Variants in BRCA2 observed in about 807,000 individuals in gnomAD.
BRCA2 encodes BRCA2 DNA repair associated.
A neutral mutation model predicts 276.7 loss-of-function variants in BRCA2; 203 were observed. That is an observed-to-expected ratio of 0.73 (90% CI 0.65 to 0.82). The LOEUF is 0.82. BRCA2 is among the 40% of genes least tolerant of loss of function. The probability of loss-of-function intolerance (pLI) is 0.00; values close to 1 mark genes in which losing one functional copy is unlikely to be tolerated. For synonymous variants in BRCA2, 1,289 were observed against 1,338.4 expected (o/e 0.96, Z 0.81); for missense variants, 3,920 against 3,915.0 (o/e 1.00, Z -0.03).
At position 32,330,932 on chromosome 13, in the gene BRCA2, A is replaced by G. The variant is rs372188754; in HGVS notation, c.695A>G (p.Tyr232Cys). 1.3e-5 allele frequency: 21 copies of G among 1,610,478 alleles called. 1 individual carries two copies. The highest frequency in any genetic ancestry group is 8.9e-5 in the East Asian group (4 of 44,856). The change falls in exon 9 of 27, where the codon TAT becomes TGT. Residue 232 changes from tyrosine to cysteine, a missense_variant. Tyr to Cys is a radical substitution (Grantham distance 194, BLOSUM62 -2). This residue lies in a region of BRCA2 where 3,263 missense variants were observed against 3,156.9 expected (regional missense o/e 1.03). Coordinates refer to ENST00000380152, the MANE Select transcript of BRCA2 (RefSeq NM_000059.4). The part of the protein sequence containing the change: ...PHDTTANVKS[Y>C]FSNHDESLKK... ...TAATTTTTGCAGAATGTGAAAAGCT[A>G]TTTTTCCAATCATGATGAAAGTCTG...
At chr13:32,367,087 G>A (rs1393631102) in intron 18 of BRCA2, among the ~76,000 whole-genome samples, 1 of 152,152 alleles carries the variant, frequency 6.6e-6, no homozygotes, top group African/African-American at 2.4e-5. Flanking sequence ...GGACTTAGGA[G>A]TGTAATAGAA....
chr13:32,343,165 C>T (rs2072584695), intron 11 of BRCA2, among the ~76,000 whole-genome samples: 1 of 151,786 alleles, frequency 6.6e-6, no homozygotes, highest in Non-Finnish European at 1.5e-5. Context: ...TTAGGTTAAC[C>T]TTATACATAC....
At chr13:32,392,649 A>G (rs899030997) in intron 24 of BRCA2, among the ~76,000 whole-genome samples, 1 of 152,132 alleles carries the variant, frequency 6.6e-6, no homozygotes, top group Non-Finnish European at 1.5e-5. Context: ...CCTTTAAACA[A>G]GTTGCAAAAA....
intron 16 of BRCA2, among the ~76,000 whole-genome samples, chr13:32,358,670 C>T (rs1047422130): frequency 6.6e-6 from 1 of 151,226 alleles, no homozygotes; most frequent in Non-Finnish European, 1.5e-5. Context: ...CGGTGGCTCA[C>T]GCCTGTAGTC....
chr13:32,370,517 G>C lies in BRCA2; in HGVS notation c.8447G>C (p.Gly2816Ala), dbSNP rs56096120. ...SSLFSDGGNV[G>A]CVDVIIQRAY... ...CTTTTCAGTGATGGAGGAAATGTTGGTTGTGTTGATGTAATTATTCAAAGA... is the reference window on the plus strand; with the variant it reads ...CTTTTCAGTGATGGAGGAAATGTTGCTTGTGTTGATGTAATTATTCAAAGA... The change falls in exon 19 of 27, where the codon GGT becomes GCT. Residue 2816 changes from glycine to alanine, a missense_variant. Gly to Ala is a moderately conservative substitution (Grantham distance 60, BLOSUM62 0). Around this residue, in one of 2 missense-constraint regions of BRCA2, gnomAD observed 657 missense variants for 758.2 expected, o/e 0.87. Transcript: ENST00000380152. 1 of 1,613,948 alleles carries C rather than the reference G, an allele frequency of 6.2e-7. No homozygotes were observed. The highest frequency in any genetic ancestry group is 8.5e-7 in the Non-Finnish European group (1 of 1,179,850).
Position 32,394,759 on chromosome 13 carries a change from T to C in BRCA2, c.9327T>C (p.Leu3109=), listed in dbSNP as rs1466261064. 2 of 1,614,118 alleles carry C rather than the reference T, an allele frequency of 1.2e-6. No individual in the cohort carries two copies. Among genetic ancestry groups the C allele is most frequent in the Non-Finnish European group, 1.7e-6 (2 of 1,179,974 alleles). The change falls in exon 25 of 27, where the codon CTT becomes CTC. Residue 3109 remains leucine (L), a synonymous_variant. Transcript: ENST00000380152. The stretch of plus-strand genomic sequence containing the variant: ...TGGCAATAAAGTTTTGGATAGACCT[T>C]AATGAGGACATTATTAAGCCTCATA... ...NLLAIKFWID[L]NEDIIKPHML... is the part of the protein sequence containing the mutation.
rs1555288582 is a variant in BRCA2 at position 32,380,141 on chromosome 13, A to G, written c.9252A>G (p.Lys3084=). 1 of 1,612,930 alleles carries G rather than the reference A, an allele frequency of 6.2e-7. No homozygotes were observed. The change falls in exon 24 of 27, where the codon AAA becomes AAG. Residue 3084 remains lysine, a synonymous_variant. Coordinates refer to ENST00000380152, the MANE Select transcript of BRCA2 (RefSeq NM_000059.4). The part of the protein sequence containing the change: ...LIGFVVSVVK[K]TGLAPFVYLS... ...GATTTGTCGTTTCTGTTGTGAAAAA[A>G]ACAGGTAATGCACAATATAGTTAAT... is the stretch of plus-strand genomic sequence containing the variant.
At chr13:32,350,881 T>C (rs2137547881) in intron 13 of BRCA2, among the ~76,000 whole-genome samples, 1 of 152,354 alleles carries the variant, frequency 6.6e-6, no homozygotes, top group Non-Finnish European at 1.5e-5. Flanking sequence ...CTGGCTGGGC[T>C]TCTGGGTCGT....
chr13:32,398,437 C>G lies in BRCA2; in HGVS notation c.9924C>G (p.Tyr3308Ter), dbSNP rs4987049. The change falls in exon 27 of 27, where the codon TAC becomes TAG. Residue 3308 changes from tyrosine to a stop codon, truncating the protein, a stop_gained. Coordinates refer to ENST00000380152, the MANE Select transcript of BRCA2 (RefSeq NM_000059.4). LOFTEE classifies it low-confidence loss of function (END_TRUNC). ...CACCAAGGAGTTGTGGCACCAAATA[C>G]GAAACACCCATAAAGAAAAAAGAAC... ...FQPPRSCGTK[Y>*]ETPIKKKELN... 2.5e-6 allele frequency: 4 copies of G among 1,614,022 alleles called. No homozygotes were observed. The highest frequency in any genetic ancestry group is 1.7e-5 in the Admixed American group (1 of 59,994).
chr13:32,334,632 C>T (rs2072434421), intron 10 of BRCA2, among the ~76,000 whole-genome samples: 1 of 150,978 alleles, frequency 6.6e-6, no homozygotes, highest in African/African-American at 2.4e-5. Context: ...CAAAATTGTA[C>T]CAGTGCACTC....
rs80358460 is a variant in BRCA2, at chr13:32,333,262, A to G, written c.1784A>G (p.His595Arg). The G allele has an allele frequency of 1.2e-6, 2 of 1,608,472 alleles. No homozygotes were observed. Among genetic ancestry groups the G allele is most frequent in the Non-Finnish European group, 1.7e-6 (2 of 1,177,808 alleles). ...ACAAATAAGTTTATTTATGCTATAC[A>G]TGATGAAACATCTTATAAAGGAAAA... ...KKTNKFIYAI[H>R]DETSYKGKKI... The change falls in exon 10 of 27, where the codon CAT (histidine) becomes CGT (arginine). Residue 595 changes from histidine to arginine, a missense_variant. Physicochemically the swap from His to Arg is conservative, Grantham distance 29 (BLOSUM62 0). Coordinates refer to ENST00000380152, the MANE Select transcript of BRCA2 (RefSeq NM_000059.4).
intron 9 of BRCA2, among the ~76,000 whole-genome samples, chr13:32,331,597 G>T (rs1566221773): frequency 6.6e-6 from 1 of 152,130 alleles, no homozygotes. Context: ...TGATTTCGAT[G>T]ACAGTATTTA....
chr13:32,387,615 G>A (rs1041192396), intron 24 of BRCA2, among the ~76,000 whole-genome samples: 2 of 152,144 alleles, frequency 1.3e-5, no homozygotes, highest in South Asian at 2.1e-4. Flanking sequence ...GCAGTCATCC[G>A]GAGGCCTAAA....
At chr13:32,370,855 AG>A (rs1446081436) in intron 19 of BRCA2, 100 bp from the exon 20 acceptor site, 2 of 1,463,432 alleles carry the variant, frequency 1.4e-6, no homozygotes, top group Non-Finnish European at 1.9e-6. Flanking sequence ...AGCCTCCCAA[AG>A]TTCTGGGATT....
intron 11 of BRCA2, among the ~76,000 whole-genome samples, chr13:32,342,892 A>G (rs959939156): frequency 6.6e-6 from 1 of 152,168 alleles, no homozygotes; most frequent in Non-Finnish European, 1.5e-5. Flanking sequence ...CTAAAAATAT[A>G]AAAATTAGCT....
chr13:32,325,366 A>C (rs2072336874), intron 4 of BRCA2, among the ~76,000 whole-genome samples, 182 bp downstream of exon 4: 1 of 152,170 alleles, frequency 6.6e-6, no homozygotes, highest in African/African-American at 2.4e-5. Context: ...CATTAGAAAC[A>C]TGTAAGTTGT....
chr13:32,391,715 C>T (rs1236836137), intron 24 of BRCA2, among the ~76,000 whole-genome samples: 1 of 152,224 alleles, frequency 6.6e-6, no homozygotes, highest in Non-Finnish European at 1.5e-5. Context: ...CACAAAGCTG[C>T]AAAATAAGTT....
In BRCA2 at chr13:32,379,466, C is replaced by G; in HGVS notation, c.8904C>G (p.Thr2968=). The G allele has an allele frequency of 1.9e-6, 3 of 1,613,064 alleles. No homozygotes were observed. The highest frequency in any genetic ancestry group is 2.5e-6 in the Non-Finnish European group (3 of 1,179,732). Residue 2968 remains threonine, a synonymous_variant, in exon 22 of 27, where the codon ACC becomes ACG. Transcript: ENST00000380152. ...KEQGLSRDVT[T]VWKLRIVSYS... ...AAGGTTTATCAAGGGATGTCACAAC[C>G]GTGTGGAAGTTGCGTATTGTAAGCT...
intron 24 of BRCA2, among the ~76,000 whole-genome samples, chr13:32,394,186 T>C (rs1245805972): frequency 6.6e-6 from 1 of 152,236 alleles, no homozygotes; most frequent in African/African-American, 2.4e-5. Flanking sequence ...TATCCAACTC[T>C]ATCCTGTATA....
Sources: gnomAD v4.1 joint callset for allele counts (sites outside exome capture counted in the v4.1 genomes callset) on GRCh38, gnomAD v4.1.1 for gene constraint, gnomAD v4.1.1 regional missense constraint, MANE v1.5 for transcripts, NCBI Gene and HGNC (gene_info 2026-07-23, HGNC 2026-07-21) for gene names.